PSMF1: variants seen among roughly 807,000 people sequenced by gnomAD.
PSMF1 encodes proteasome inhibitor subunit 1.
Under a neutral mutation model 29.3 loss-of-function variants are expected in PSMF1, and 30 were observed. The observed-to-expected ratio is 1.02, with a 90% CI of 0.77 to 1.39. The LOEUF (loss-of-function observed/expected upper bound fraction) is 1.39, where lower values mean the gene tolerates loss of function less well. Ranked by LOEUF, PSMF1 falls within the 40% of genes most tolerant of loss-of-function variation. PSMF1 has a pLI of 0.00. For missense variants in PSMF1, 344 were observed against 357.5 expected, an observed-to-expected ratio of 0.96 and a Z score of 0.31; for synonymous variants, 134 against 139.7, an observed-to-expected ratio of 0.96 and a Z score of 0.29.
intron 4 of PSMF1, among the ~76,000 whole-genome samples, chr20:1,135,779 CA>C (rs1283535504): frequency 4.6e-5 from 7 of 152,206 alleles, no homozygotes; most frequent in African/African-American, 1.7e-4. Flanking sequence ...ATCTCACTAT[CA>C]AGTTCAGAAG....
upstream of PSMF1, among the ~76,000 whole-genome samples, chr20:1,113,815 C>G (rs1304453327): frequency 6.6e-6 from 1 of 152,116 alleles, no homozygotes; most frequent in Non-Finnish European, 1.5e-5. Flanking sequence ...GCCTCAGCCT[C>G]CGAGTAGCTG....
chr20:1,141,460 C>T (rs1313453328), intron 4 of PSMF1, among the ~76,000 whole-genome samples: 2 of 152,156 alleles, frequency 1.3e-5, no homozygotes, highest in African/African-American at 4.8e-5. Context: ...TTGATAATAA[C>T]TGCCCATGAC....
chr20:1,119,198 G>A (rs893214608), intron 1 of PSMF1, among the ~76,000 whole-genome samples: 4 of 152,090 alleles, frequency 2.6e-5, no homozygotes, highest in African/African-American at 9.7e-5. Context: ...GCATTCCATA[G>A]AATGGCAAAG....
At position 1,166,106 on chromosome 20, in the gene PSMF1, A is replaced by G; in HGVS notation, c.*1026A>G. 1.3e-6 allele frequency: 2 copies of G among 1,547,744 alleles called. No individual in the cohort carries two copies. The highest frequency in any genetic ancestry group is 1.7e-6 in the Non-Finnish European group (2 of 1,144,738). On this transcript the variant is annotated 3_prime_UTR_variant, in exon 7 of 7. Transcript: ENST00000335877. ...GTGGTTTTTGGACCCCATGGGGCCC[A>G]GACAGAGCACAGGAGCATGGGCTGC...
In PSMF1 at chr20:1,163,140, C is replaced by T; in HGVS notation, c.562C>T (p.Leu188=). ...TCTTGTTTGTTTCAGGTGTGATCCCCTGGGCCCGTTTGTTGTCGGGGGAGA... is the reference window on the plus strand; with the variant it reads ...TCTTGTTTGTTTCAGGTGTGATCCCTTGGGCCCGTTTGTTGTCGGGGGAGA... ...TSRQPPWCDP[L]GPFVVGGEDL... The change falls in exon 5 of 7, where the codon CTG becomes TTG. Residue 188 remains leucine (L), a synonymous_variant. Coordinates refer to ENST00000335877, the MANE Select transcript of PSMF1 (RefSeq NM_006814.5). The surrounding 1 kb of genome is among the most constrained non-coding windows in gnomAD (Gnocchi z 6.1). 1 of 1,614,180 alleles carries T rather than the reference C, an allele frequency of 6.2e-7. No individual in the cohort carries two copies. The highest frequency in any genetic ancestry group is 1.1e-5 in the South Asian group (1 of 91,074).
chr20:1,158,214 A>AT (rs1286994921), intron 4 of PSMF1, among the ~76,000 whole-genome samples: 5 of 140,464 alleles, frequency 3.6e-5, no homozygotes, highest in East Asian at 3.6e-4. Context: ...TAAAAACTAA[A>AT]TTAAAAAAAA....
At position 1,166,084 on chromosome 20, in the gene PSMF1, G is replaced by GCC; in HGVS notation, c.*1004_*1005insCC. Reference sequence around the variant, plus strand: ...TGTGTGGTTCTTGCCTAACTCTGTGGTTTTTGGACCCCATGGGGCCCAGAC... The same window carrying GCC: ...TGTGTGGTTCTTGCCTAACTCTGTGGCCTTTTTGGACCCCATGGGGCCCAGAC... On this transcript the variant is annotated 3_prime_UTR_variant, in exon 7 of 7. Transcript: ENST00000335877. The GCC allele has an allele frequency of 6.6e-7, 1 of 1,521,762 alleles. No homozygotes were observed. Among genetic ancestry groups the GCC allele is most frequent in the South Asian group, 1.2e-5 (1 of 80,908 alleles). The allele number at this position is 1,521,762 out of a possible 1,614,324, so 94.3% of individuals were successfully genotyped here.
rs2086038384 is a variant in PSMF1, at chr20:1,118,642, G to GT, written c.-132_-131insT. 2 of 1,126,116 alleles carry GT rather than the reference G, an allele frequency of 1.8e-6. No individual in the cohort carries two copies. The highest frequency in any genetic ancestry group is 2.4e-6 in the Non-Finnish European group (2 of 823,220). The allele number at this position is 1,126,116 out of a possible 1,614,324, so 69.8% of individuals were successfully genotyped here. ...CCCCGTCCCCGGGCGTCTCCATTTT[G>GT]GTCTCAGGTGTGGACTCGGCAAGAA... On this transcript the variant is annotated 5_prime_UTR_variant, in exon 1 of 7. Transcript: ENST00000335877.
chr20:1,121,818 T>C (rs557652886), intron 1 of PSMF1, among the ~76,000 whole-genome samples: 5 of 152,330 alleles, frequency 3.3e-5, no homozygotes, highest in African/African-American at 1.2e-4. Context: ...AATCCAATAC[T>C]TGAATTTGGA....
rs1306832188 is a variant in PSMF1 at position 1,122,001 on chromosome 20, C to CATT, written c.129+3100_129+3101insTTA. Among the ~76,000 whole-genome samples the CATT allele has an allele frequency of 2.7e-4, 41 of 152,252 alleles. No homozygotes were observed. In the East Asian group the frequency reaches 7.7e-3, roughly 29 times the overall value. On this transcript the variant is annotated intron_variant, in intron 1 of 6. Coordinates refer to ENST00000335877, the MANE Select transcript of PSMF1 (RefSeq NM_006814.5). ...ATTATGATGAAAGAGAGAAAATGCC[C>CATT]AAAATGATCTGTTTAAGTTTCTTTG...
chr20:1,167,361 T>A lies in PSMF1; in HGVS notation c.*2281T>A, dbSNP rs567075733. The A allele has an allele frequency of 1.3e-5, 2 of 150,478 alleles. No individual in the cohort carries two copies. The highest frequency in any genetic ancestry group is 2.1e-4 in the South Asian group (1 of 4,832). 9.3% of individuals were successfully genotyped at this position (150,478 alleles called of 1,614,324 possible). A position where few individuals can be genotyped will look rare whatever the true frequency, so the allele number is the denominator to read the frequency against. On this transcript the variant is annotated 3_prime_UTR_variant, in exon 7 of 7. Coordinates refer to ENST00000335877, the MANE Select transcript of PSMF1 (RefSeq NM_006814.5). ...TTTAAATAGCAGCTTTATTGAGATA[T>A]AATTTACATACCCATAATTTACATA... is the stretch of plus-strand genomic sequence containing the variant.
chr20:1,161,446 A>G (rs963668095), intron 4 of PSMF1: 2 of 462,134 alleles, frequency 4.3e-6, no homozygotes, highest in Non-Finnish European at 4.0e-6. Context: ...ATCCACAAGG[A>G]CCTGTATGCC....
At chr20:1,125,443 A>G in intron 1 of PSMF1, 55 bp from the exon 2 acceptor site, 3 of 1,525,498 alleles carry the variant, frequency 2.0e-6, no homozygotes, top group Non-Finnish European at 2.6e-6. Flanking sequence ...GAGGTTCTTT[A>G]TAGTTCTGTG....
intron 1 of PSMF1, among the ~76,000 whole-genome samples, chr20:1,120,635 C>G (rs138533924): frequency 6.6e-6 from 1 of 152,174 alleles, no homozygotes; most frequent in Non-Finnish European, 1.5e-5. Context: ...TTCCTAGATT[C>G]TTCAAAGAAA....
chr20:1,122,273 CTTTTCT>C (rs1249514732), intron 1 of PSMF1, among the ~76,000 whole-genome samples: 13 of 146,418 alleles, frequency 8.9e-5, no homozygotes, highest in Non-Finnish European at 3.0e-5. Context: ...TTAGAGTTTT[CTTTTCT>C]TTTTCTTTTT....
At chr20:1,128,073 A>C (rs1288380450) in intron 3 of PSMF1, among the ~76,000 whole-genome samples, 1 of 152,168 alleles carries the variant, frequency 6.6e-6, no homozygotes, top group Non-Finnish European at 1.5e-5. Context: ...GTTTTGACAA[A>C]CAGATGAGAA....
rs2086686346 is a variant in PSMF1 at position 1,163,073 on chromosome 20, TG to T, written c.552-56del. The T allele has an allele frequency of 1.3e-6, 2 of 1,582,432 alleles. No individual in the cohort carries two copies. Among genetic ancestry groups the T allele is most frequent in the Non-Finnish European group, 1.7e-6 (2 of 1,153,156 alleles). ...CTGTGAGTGTGTTTGTGATCCCACA[TG>T]TATCAGGTGCCTGGCTGCTCTGGGA... is the stretch of plus-strand genomic sequence containing the variant. On this transcript the variant is annotated intron_variant, in intron 4 of 6. Transcript: ENST00000335877. This position sits in a 1 kb window ranked among gnomAD's most constrained non-coding sequence, Gnocchi z 6.1.
Position 1,164,925 on chromosome 20 carries a change from C to T in PSMF1, c.765-104C>T, listed in dbSNP as rs2086710147. Reference sequence around the variant, plus strand: ...CATGTGTTTAAATTCCTCACACCGCCACATCATGTTGAAGGGCAGGCTCCC... The same window carrying T: ...CATGTGTTTAAATTCCTCACACCGCTACATCATGTTGAAGGGCAGGCTCCC... On this transcript the variant is annotated intron_variant, in intron 6 of 6. Coordinates refer to ENST00000335877, the MANE Select transcript of PSMF1 (RefSeq NM_006814.5). This position sits in a 1 kb window ranked among gnomAD's most constrained non-coding sequence, Gnocchi z 4.1. 2.0e-6 allele frequency: 2 copies of T among 1,024,060 alleles called. No individual in the cohort carries two copies. Among genetic ancestry groups the T allele is most frequent in the Non-Finnish European group, 3.0e-6 (2 of 656,044 alleles). The allele number at this position is 1,024,060 out of a possible 1,614,324, so 63.4% of individuals were successfully genotyped here.
At position 1,166,633 on chromosome 20, in the gene PSMF1, C is replaced by A; in HGVS notation, c.*1553C>A. Reference sequence around the variant, plus strand: ...TATTTCTGTCAGTCCCCATGGCAAGCAGTGATTTAGTAAAACACCCCAGAG... The same window carrying A: ...TATTTCTGTCAGTCCCCATGGCAAGAAGTGATTTAGTAAAACACCCCAGAG... On this transcript the variant is annotated 3_prime_UTR_variant, in exon 7 of 7. Transcript: ENST00000335877. The A allele has an allele frequency of 4.2e-6, 1 of 236,684 alleles. No individual in the cohort carries two copies. The highest frequency in any genetic ancestry group is 8.5e-6 in the Non-Finnish European group (1 of 117,278). The allele number at this position is 236,684 out of a possible 1,614,324, so 14.7% of individuals were successfully genotyped here. A position where few individuals can be genotyped will look rare whatever the true frequency, so the allele number is the denominator to read the frequency against.
Sources: allele counts gnomAD v4.1 joint callset (sites outside exome capture counted in the v4.1 genomes callset), GRCh38; gene constraint gnomAD v4.1.1; non-coding constraint Gnocchi (gnomAD v3.1); transcripts MANE v1.5; gene names NCBI Gene and HGNC (gene_info 2026-07-23, HGNC 2026-07-21).